Variants in CDK6 observed in about 807,000 individuals in gnomAD.
The protein encoded by CDK6 is cyclin dependent kinase 6, also known as cyclin-dependent kinase 6.
In CDK6, 6 loss-of-function variants were observed where a neutral mutation model predicts 37.1. That is an observed-to-expected ratio of 0.16 (90% CI 0.09 to 0.32). The LOEUF is 0.32. Among genes scored for constraint, CDK6 ranks in the 10% least tolerant of loss-of-function variants. The pLI, the probability that CDK6 is intolerant of heterozygous loss-of-function variation, is 1.00. For missense variants in CDK6, 224 were observed against 418.9 expected (o/e 0.53, Z 4.06); for synonymous variants, 160 against 161.3 (o/e 0.99, Z 0.06).
intron 3 of CDK6, among the ~76,000 whole-genome samples, chr7:92,737,499 C>T (rs1158756148): frequency 6.6e-6 from 1 of 152,124 alleles, no homozygotes; most frequent in Non-Finnish European, 1.5e-5. Flanking sequence ...TTTCTGTAGG[C>T]CTCTCTGACT....
At chr7:92,773,020 T>C (rs1799755763) in intron 3 of CDK6, among the ~76,000 whole-genome samples, 1 of 152,240 alleles carries the variant, frequency 6.6e-6, no homozygotes, top group Admixed American at 6.5e-5. Flanking sequence ...GATTTTTTGA[T>C]AGTCTATGTT....
chr7:92,725,594 G>A (rs1798492327), intron 4 of CDK6, 32 bp downstream of exon 4: 1 of 1,588,400 alleles, frequency 6.3e-7, no homozygotes, highest in South Asian at 1.1e-5. Flanking sequence ...GGAAAAATAA[G>A]TTTAATAAAA....
At position 92,608,863 on chromosome 7, in the gene CDK6, T is replaced by C. The variant is rs1795494409; in HGVS notation, c.*6277A>G. 4.3e-6 allele frequency: 1 copy of C among 232,242 alleles called. No homozygotes were observed. Among genetic ancestry groups the C allele is most frequent in the Non-Finnish European group, 8.5e-6 (1 of 117,468 alleles). 14.4% of individuals were successfully genotyped at this position (232,242 alleles called of 1,614,324 possible). A position where few individuals can be genotyped will look rare whatever the true frequency, so the allele number is the denominator to read the frequency against. On this transcript the variant is annotated 3_prime_UTR_variant, in exon 8 of 8. Transcript: ENST00000424848. ...AGCCCGGCCTCGCCCACTGCCTCTC[T>C]CCTGCCAAAGGGGCGGGGCAACGAG...
chr7:92,737,375 G>A (rs1798812890), intron 3 of CDK6, among the ~76,000 whole-genome samples: 1 of 152,106 alleles, frequency 6.6e-6, no homozygotes, highest in Non-Finnish European at 1.5e-5. Flanking sequence ...GAAAGTCTAG[G>A]TCCTTAGAAA....
At position 92,648,589 on chromosome 7, in the gene CDK6, A is replaced by G. The variant is rs1349991066; in HGVS notation, c.647+22837T>C. On this transcript the variant is annotated intron_variant, in intron 5 of 7. Transcript: ENST00000424848. ...TAACCTTATAGAACTTACCATCTCA[A>G]TAAATGGTGCTGGCTGAAACTACAA... Among the ~76,000 whole-genome samples, 6 of 152,232 alleles carry G rather than the reference A, an allele frequency of 3.9e-5. No individual in the cohort carries two copies. In the South Asian group the frequency reaches 1.0e-3, roughly 26 times the overall value.
At chr7:92,704,251 A>T (rs1390139588) in intron 4 of CDK6, among the ~76,000 whole-genome samples, 1 of 152,190 alleles carries the variant, frequency 6.6e-6, no homozygotes, top group Non-Finnish European at 1.5e-5. Flanking sequence ...TATATATATC[A>T]TTAATTTCTA....
At chr7:92,658,527 T>A (rs967455590) in intron 5 of CDK6, among the ~76,000 whole-genome samples, 2 of 152,164 alleles carry the variant, frequency 1.3e-5, no homozygotes, top group African/African-American at 4.8e-5. Context: ...GTGAGAAAAA[T>A]TTACATATGT....
chr7:92,712,174 A>G (rs1798110102), intron 4 of CDK6, among the ~76,000 whole-genome samples: 1 of 150,966 alleles, frequency 6.6e-6, no homozygotes, highest in Admixed American at 6.6e-5. Context: ...AAAAAAAAAG[A>G]ACCATGAGAG....
chr7:92,797,540 T>C (rs963164448), intron 2 of CDK6, among the ~76,000 whole-genome samples: 2 of 152,154 alleles, frequency 1.3e-5, no homozygotes, highest in Non-Finnish European at 2.9e-5. Flanking sequence ...ATCACAGAAT[T>C]GGCTCCCTAT....
intron 5 of CDK6, among the ~76,000 whole-genome samples, chr7:92,637,087 A>C (rs1030611473): frequency 2.0e-4 from 30 of 152,204 alleles, no homozygotes; most frequent in African/African-American, 7.0e-4. Context: ...GGTTTTAGAA[A>C]GAGATGAATA....
chr7:92,712,061 G>A (rs1798106479), intron 4 of CDK6, among the ~76,000 whole-genome samples: 1 of 151,826 alleles, frequency 6.6e-6, no homozygotes, highest in Non-Finnish European at 1.5e-5. Context: ...TCAGGAGGCT[G>A]AGGCAGGAGA....
In CDK6 at chr7:92,833,228, G is replaced by A. The variant is rs2116033382; in HGVS notation, c.96C>T (p.Asp32=). 6.2e-7 allele frequency: 1 copy of A among 1,610,948 alleles called. No homozygotes were observed. Among genetic ancestry groups the A allele is most frequent in the Non-Finnish European group, 8.5e-7 (1 of 1,179,144 alleles). ...GAYGKVFKAR[D]LKNGGRFVAL... Reference sequence around the variant, plus strand: ...CCACGAAACGGCCTCCGTTCTTCAAGTCGCGGGCCTTGAACACCTTCCCAT... The same window carrying A: ...CCACGAAACGGCCTCCGTTCTTCAAATCGCGGGCCTTGAACACCTTCCCAT... Residue 32 remains aspartate (D), a synonymous_variant, in exon 2 of 8, where the codon GAC becomes GAT. Transcript: ENST00000424848. The surrounding 1 kb of genome is among the most constrained non-coding windows in gnomAD (Gnocchi z 6.1).
At position 92,606,217 on chromosome 7, in the gene CDK6, A is replaced by G. The variant is rs1000184546; in HGVS notation, c.*8923T>C. On this transcript the variant is annotated 3_prime_UTR_variant, in exon 8 of 8. Transcript: ENST00000424848. ...CTTGATTAGTTTTTCTCTTGGTACC[A>G]CAGCCAAAACTGAATGCTCTGTACA... 4.3e-6 allele frequency: 1 copy of G among 233,398 alleles called. No homozygotes were observed. The highest frequency in any genetic ancestry group is 2.2e-5 in the African/African-American group (1 of 45,342). The allele number at this position is 233,398 out of a possible 1,614,324, so 14.5% of individuals were successfully genotyped here.
rs2116602746 is a variant in CDK6, at chr7:92,671,455, G to A, written c.618C>T (p.Gly206=). Reference sequence around the variant, plus strand: ...TACGAAACATTTCTGCAAATATGCAGCCAACACTCCAGAGATCCACGGGGG... The same window carrying A: ...TACGAAACATTTCTGCAAATATGCAACCAACACTCCAGAGATCCACGGGGG... The part of the protein sequence containing the change: ...YATPVDLWSV[G]CIFAEMFRRK... The change falls in exon 5 of 8, where the codon GGC becomes GGT. Residue 206 remains glycine (G), a synonymous_variant. Transcript: ENST00000424848. 6.3e-7 allele frequency: 1 copy of A among 1,577,446 alleles called. No individual in the cohort carries two copies. Among genetic ancestry groups the A allele is most frequent in the Non-Finnish European group, 8.6e-7 (1 of 1,161,810 alleles).
At chr7:92,703,870 T>A (rs1179764498) in intron 4 of CDK6, among the ~76,000 whole-genome samples, 5 of 152,222 alleles carry the variant, frequency 3.3e-5, no homozygotes, top group African/African-American at 4.8e-5. Context: ...CACTTCAAAA[T>A]GAATTCAAAC....
intron 3 of CDK6, among the ~76,000 whole-genome samples, chr7:92,766,066 A>T (rs1157541449): frequency 6.6e-6 from 1 of 152,148 alleles, no homozygotes; most frequent in East Asian, 1.9e-4. Flanking sequence ...GGGGGTGGGG[A>T]GCACTAGATC....
chr7:92,716,835 C>G (rs1387073157), intron 4 of CDK6, among the ~76,000 whole-genome samples: 1 of 152,156 alleles, frequency 6.6e-6, no homozygotes, highest in Non-Finnish European at 1.5e-5. Flanking sequence ...AAATAGAACT[C>G]TTCAGAGAAG....
intron 3 of CDK6, among the ~76,000 whole-genome samples, chr7:92,757,368 T>A (rs757726638): frequency 6.6e-6 from 1 of 152,206 alleles, no homozygotes; most frequent in South Asian, 2.1e-4. Context: ...TAAGTTCTCA[T>A]CATTTAGCTC....
At chr7:92,747,899 A>G (rs1483745094) in intron 3 of CDK6, among the ~76,000 whole-genome samples, 1 of 152,256 alleles carries the variant, frequency 6.6e-6, no homozygotes, top group Non-Finnish European at 1.5e-5. Flanking sequence ...TCCCATATAA[A>G]GCAGGCCAAT....
Sources: allele counts gnomAD v4.1 joint callset (sites outside exome capture counted in the v4.1 genomes callset), GRCh38; gene constraint gnomAD v4.1.1; non-coding constraint Gnocchi (gnomAD v3.1); transcripts MANE v1.5; gene names NCBI Gene and HGNC (gene_info 2026-07-23, HGNC 2026-07-21).